SLC35C1: variants seen among roughly 807,000 people sequenced by gnomAD.
SLC35C1 encodes solute carrier family 35 member C1.
A neutral mutation model predicts 23.2 loss-of-function variants in SLC35C1; 8 were observed. The observed-to-expected ratio is 0.35, with a 90% CI of 0.20 to 0.62. The LOEUF is 0.62. SLC35C1 is among the 20% of genes least tolerant of loss of function. The pLI is 0.75. For missense variants in SLC35C1, 422 were observed against 478.6 expected (o/e 0.88, Z 1.10); for synonymous variants, 226 against 225.1 (o/e 1.00, Z -0.04).
intron 1 of SLC35C1, among the ~76,000 whole-genome samples, chr11:45,809,169 GA>G (rs986388296): frequency 3.3e-5 from 5 of 152,144 alleles, no homozygotes; most frequent in African/African-American, 1.2e-4. Flanking sequence ...AGGCTTTGGG[GA>G]TACAAGTTTG....
At chr11:45,809,864 A>C (rs572035190) in intron 1 of SLC35C1, 1 of 985,446 alleles carries the variant, frequency 1.0e-6, no homozygotes, top group East Asian at 1.1e-4. Flanking sequence ...CACCATGGGC[A>C]GGGGCCCAGC....
At position 45,811,436 on chromosome 11, in the gene SLC35C1, G is replaced by T. The variant is rs531728107; in HGVS notation, c.*101G>T. On this transcript the variant is annotated 3_prime_UTR_variant, in exon 2 of 2. Coordinates refer to ENST00000314134, the MANE Select transcript of SLC35C1 (RefSeq NM_018389.5). ...TCCTGGACCCCAGAAGCGTGCTGTG[G>T]TGTGGACTGGGTGCTACTTATAGAC... is the stretch of plus-strand genomic sequence containing the variant. 2 of 997,630 alleles carry T rather than the reference G, an allele frequency of 2.0e-6. No individual in the cohort carries two copies. Among genetic ancestry groups the T allele is most frequent in the Admixed American group, 2.9e-5 (1 of 34,302 alleles). The allele number at this position is 997,630 out of a possible 1,614,324, so 61.8% of individuals were successfully genotyped here.
At position 45,811,448 on chromosome 11, in the gene SLC35C1, T is replaced by A; in HGVS notation, c.*113T>A. Reference sequence around the variant, plus strand: ...GAAGCGTGCTGTGGTGTGGACTGGGTGCTACTTATAGACCCAATCAGAATA... The same window carrying A: ...GAAGCGTGCTGTGGTGTGGACTGGGAGCTACTTATAGACCCAATCAGAATA... On this transcript the variant is annotated 3_prime_UTR_variant, in exon 2 of 2. Coordinates refer to ENST00000314134, the MANE Select transcript of SLC35C1 (RefSeq NM_018389.5). 1 of 862,222 alleles carries A rather than the reference T, an allele frequency of 1.2e-6. No individual in the cohort carries two copies. The highest frequency in any genetic ancestry group is 1.7e-6 in the Non-Finnish European group (1 of 581,956). The allele number at this position is 862,222 out of a possible 1,614,324, so 53.4% of individuals were successfully genotyped here.
rs1356659540 is a variant in SLC35C1 at position 45,810,886 on chromosome 11, A to G, written c.646A>G (p.Thr216Ala). The G allele has an allele frequency of 6.2e-7, 1 of 1,612,314 alleles. No homozygotes were observed. The highest frequency in any genetic ancestry group is 8.5e-7 in the Non-Finnish European group (1 of 1,180,024). ...CTGTGTCTCGCTCAACGCCATCTAC[A>G]CCACGAAGGTGCTCCCGGCGGTGGA... is the stretch of plus-strand genomic sequence containing the variant. ...SLCVSLNAIY[T>A]TKVLPAVDGS... The change falls in exon 2 of 2, where the codon ACC becomes GCC. Residue 216 changes from threonine (T) to alanine (A), a missense_variant. Physicochemically the swap from Thr to Ala is moderately conservative, Grantham distance 58 (BLOSUM62 0). Coordinates refer to ENST00000314134, the MANE Select transcript of SLC35C1 (RefSeq NM_018389.5).
At chr11:45,810,727 C>T in intron 1 of SLC35C1, 49 bp from the exon 2 acceptor site, 1 of 1,589,886 alleles carries the variant, frequency 6.3e-7, no homozygotes, top group Non-Finnish European at 8.6e-7. Context: ...TCCTCCTCGT[C>T]CTCATCCCTC....
At chr11:45,807,643 C>A (rs1433215262) in intron 1 of SLC35C1, among the ~76,000 whole-genome samples, 4 of 152,206 alleles carry the variant, frequency 2.6e-5, no homozygotes, top group African/African-American at 9.7e-5. Flanking sequence ...GGGGAAGGGA[C>A]CCATCCCATG....
At chr11:45,810,008 G>A (rs998211731) in intron 1 of SLC35C1, 1 of 984,128 alleles carries the variant, frequency 1.0e-6, no homozygotes, top group African/African-American at 1.7e-5. Flanking sequence ...CAGAAAGGAG[G>A]AGGGTGTTTC....
In SLC35C1 at chr11:45,805,322, C is replaced by A. The variant is rs998523805; in HGVS notation, c.-480C>A. Reference sequence around the variant, plus strand: ...CCGGCCTCCGGCAGCTCCCTGTACGCCTCCCTCCCCCTGCCCGCCCCTCCC... The same window carrying A: ...CCGGCCTCCGGCAGCTCCCTGTACGACTCCCTCCCCCTGCCCGCCCCTCCC... On this transcript the variant is annotated 5_prime_UTR_variant, in exon 1 of 2. Coordinates refer to ENST00000314134, the MANE Select transcript of SLC35C1 (RefSeq NM_018389.5). 281 of 1,033,136 alleles carry A rather than the reference C, an allele frequency of 2.7e-4. No homozygotes were observed. The highest frequency in any genetic ancestry group is 3.0e-4 in the Non-Finnish European group (257 of 855,682). The allele number at this position is 1,033,136 out of a possible 1,614,324, so 64.0% of individuals were successfully genotyped here. A position where few individuals can be genotyped will look rare whatever the true frequency, so the allele number is the denominator to read the frequency against.
At chr11:45,804,937 C>T (rs994016990), upstream of SLC35C1, 127 of 985,552 alleles carry the variant, frequency 1.3e-4, 1 homozygote, top group African/African-American at 2.1e-3. Context: ...TTCCAGGAAG[C>T]AGGGCGAGGC....
At position 45,811,325 on chromosome 11, in the gene SLC35C1, T is replaced by C. The variant is rs2134598996; in HGVS notation, c.1085T>C (p.Met362Thr). 4 of 1,521,152 alleles carry C rather than the reference T, an allele frequency of 2.6e-6. No individual in the cohort carries two copies. The highest frequency in any genetic ancestry group is 8.7e-7 in the Non-Finnish European group (1 of 1,144,444). The allele number at this position is 1,521,152 out of a possible 1,614,324, so 94.2% of individuals were successfully genotyped here. ...PSPKDSEKSA[M>T]GV ...CCCAAAGACAGCGAGAAGAGCGCCA[T>C]GGGGGTGTGAGCACCACAGGCACCC... is the stretch of plus-strand genomic sequence containing the variant. The change falls in exon 2 of 2, where the codon ATG becomes ACG. Residue 362 changes from methionine to threonine, a missense_variant. Met to Thr is a moderately conservative substitution (Grantham distance 81). Transcript: ENST00000314134.
intron 1 of SLC35C1, among the ~76,000 whole-genome samples, chr11:45,809,449 C>T (rs570460876): frequency 6.6e-6 from 1 of 152,212 alleles, no homozygotes; most frequent in South Asian, 2.1e-4. Flanking sequence ...TCACCAGACA[C>T]AAGGCTGCCC....
At chr11:45,806,985 AAAT>A (rs1288309381) in intron 1 of SLC35C1, 3 of 720,092 alleles carry the variant, frequency 4.2e-6, no homozygotes, top group African/African-American at 3.8e-5. Flanking sequence ...GACCCTCAGA[AAAT>A]AATAATTATT....
At position 45,812,904 on chromosome 11, in the gene SLC35C1, G is replaced by C. The variant is rs139986610; in HGVS notation, c.*1569G>C. 9.3e-4 allele frequency: 287 copies of C among 307,476 alleles called. 5 individuals are homozygous for C. In the East Asian group the frequency reaches 0.02, roughly 22 times the overall value. 19.0% of individuals were successfully genotyped at this position (307,476 alleles called of 1,614,324 possible). On this transcript the variant is annotated 3_prime_UTR_variant, in exon 2 of 2. Coordinates refer to ENST00000314134, the MANE Select transcript of SLC35C1 (RefSeq NM_018389.5). ...TATATAGTGAAAAGCTAGGGAGAGCGGGTCTTCTCCCCCCTCCCTCTCCAG... is the reference window on the plus strand; with the variant it reads ...TATATAGTGAAAAGCTAGGGAGAGCCGGTCTTCTCCCCCCTCCCTCTCCAG...
rs112375833 is a variant in SLC35C1, at chr11:45,811,129, A to G, written c.889A>G (p.Asn297Asp). Residue 297 changes from asparagine (N) to aspartate (D), a missense_variant, in exon 2 of 2, where the codon AAT (asparagine) becomes GAT (aspartate). Physicochemically the swap from Asn to Asp is conservative, Grantham distance 23 (BLOSUM62 1). Coordinates refer to ENST00000314134, the MANE Select transcript of SLC35C1 (RefSeq NM_018389.5). ...CAAGTTCACCAGTCCGCTGACCCAC[A>G]ATGTGTCGGGCACGGCCAAGGCCTG... ...QIKFTSPLTHNVSGTAKACAQ... is the reference protein window; with the variant it reads ...QIKFTSPLTHDVSGTAKACAQ... 2 of 1,613,034 alleles carry G rather than the reference A, an allele frequency of 1.2e-6. No homozygotes were observed. Among genetic ancestry groups the G allele is most frequent in the South Asian group, 1.1e-5 (1 of 91,088 alleles).
chr11:45,805,370 C>T lies in SLC35C1; in HGVS notation c.-432C>T. 1.0e-6 allele frequency: 1 copy of T among 999,422 alleles called. No homozygotes were observed. Among genetic ancestry groups the T allele is most frequent in the East Asian group, 1.0e-4 (1 of 9,550 alleles). 61.9% of individuals were successfully genotyped at this position (999,422 alleles called of 1,614,324 possible). ...CCCTCCCACAGCCGCCCATGACGCC[C>T]TCTCGGCACCTCTTCCCACTCTGCC... On this transcript the variant is annotated 5_prime_UTR_variant, in exon 1 of 2. Coordinates refer to ENST00000314134, the MANE Select transcript of SLC35C1 (RefSeq NM_018389.5).
Position 45,805,399 on chromosome 11 carries a change from C to T in SLC35C1, c.-403C>T. On this transcript the variant is annotated 5_prime_UTR_variant, in exon 1 of 2. Transcript: ENST00000314134. Reference sequence around the variant, plus strand: ...CGGCACCTCTTCCCACTCTGCCACGCGTCCTTTTCCTGCACCTTCGCCCCG... The same window carrying T: ...CGGCACCTCTTCCCACTCTGCCACGTGTCCTTTTCCTGCACCTTCGCCCCG... 1 of 1,023,124 alleles carries T rather than the reference C, an allele frequency of 9.8e-7. No homozygotes were observed. The highest frequency in any genetic ancestry group is 3.7e-5 in the South Asian group (1 of 26,668). The allele number at this position is 1,023,124 out of a possible 1,614,324, so 63.4% of individuals were successfully genotyped here. A position where few individuals can be genotyped will look rare whatever the true frequency, so the allele number is the denominator to read the frequency against.
In SLC35C1 at chr11:45,812,336, T is replaced by C. The variant is rs1246467131; in HGVS notation, c.*1001T>C. On this transcript the variant is annotated 3_prime_UTR_variant, in exon 2 of 2. Transcript: ENST00000314134. ...TTCTGAGCCGCTTGCCTTGTGATGG[T>C]AAGACACCAACCTTTACATTCTTCC... is the stretch of plus-strand genomic sequence containing the variant. 1 of 354,356 alleles carries C rather than the reference T, an allele frequency of 2.8e-6. No homozygotes were observed. The highest frequency in any genetic ancestry group is 5.6e-6 in the Non-Finnish European group (1 of 179,756). The allele number at this position is 354,356 out of a possible 1,614,324, so 22.0% of individuals were successfully genotyped here. A position where few individuals can be genotyped will look rare whatever the true frequency, so the allele number is the denominator to read the frequency against.
At position 45,812,198 on chromosome 11, in the gene SLC35C1, C is replaced by G. The variant is rs2085955737; in HGVS notation, c.*863C>G. The G allele has an allele frequency of 4.7e-6, 1 of 210,834 alleles. No individual in the cohort carries two copies. Among genetic ancestry groups the G allele is most frequent in the Admixed American group, 5.0e-5 (1 of 20,096 alleles). 13.1% of individuals were successfully genotyped at this position (210,834 alleles called of 1,614,324 possible). ...CTCTCTTCTCCCAGTTCTACCTCCC[C>G]AGAAGCCTTCCTCCCCAGGTGGGGC... On this transcript the variant is annotated 3_prime_UTR_variant, in exon 2 of 2. Coordinates refer to ENST00000314134, the MANE Select transcript of SLC35C1 (RefSeq NM_018389.5).
In SLC35C1 at chr11:45,812,540, C is replaced by T. The variant is rs1253712006; in HGVS notation, c.*1205C>T. The T allele has an allele frequency of 2.2e-6, 1 of 455,880 alleles. No homozygotes were observed. Among genetic ancestry groups the T allele is most frequent in the African/African-American group, 2.0e-5 (1 of 50,062 alleles). The allele number at this position is 455,880 out of a possible 1,614,324, so 28.2% of individuals were successfully genotyped here. A position where few individuals can be genotyped will look rare whatever the true frequency, so the allele number is the denominator to read the frequency against. The stretch of plus-strand genomic sequence containing the variant: ...ATTCGGACTCCGCTGAGGGCTGTTT[C>T]CCGATCCATAGATGGTGCCTTCTCG... On this transcript the variant is annotated 3_prime_UTR_variant, in exon 2 of 2. Coordinates refer to ENST00000314134, the MANE Select transcript of SLC35C1 (RefSeq NM_018389.5).
Sources: allele counts gnomAD v4.1 joint callset (sites outside exome capture counted in the v4.1 genomes callset), GRCh38; gene constraint gnomAD v4.1.1; transcripts MANE v1.5; gene names NCBI Gene and HGNC (gene_info 2026-07-23, HGNC 2026-07-21).